The following MYO19 variants were observed in gnomAD, a reference collection of about 807,000 sequenced individuals.
MYO19 encodes myosin XIX, also known as unconventional myosin-XIX.
A neutral mutation model predicts 129.2 loss-of-function variants in MYO19; 132 were observed. That is an observed-to-expected ratio of 1.02 (90% CI 0.89 to 1.18). The LOEUF is 1.18. Among genes scored for constraint, MYO19 ranks in the 50% most tolerant of loss-of-function variants. The pLI is 0.00. For synonymous variants in MYO19, 531 were observed against 477.2 expected (o/e 1.11, Z -1.47); for missense variants, 1,210 against 1,216.7 (o/e 0.99, Z 0.08).
At chr17:36,518,761 T>C (rs2072961130) in intron 6 of MYO19, among the ~76,000 whole-genome samples, 1 of 151,402 alleles carries the variant, frequency 6.6e-6, no homozygotes, top group African/African-American at 2.4e-5. Flanking sequence ...AATAAGATGG[T>C]AGATTTAAAC....
At chr17:36,538,612 G>A (rs766621697), upstream of MYO19, 10 of 1,589,442 alleles carry the variant, frequency 6.3e-6, no homozygotes, top group East Asian at 2.2e-4. Context: ...GTACAATTTT[G>A]GTGATCAGCA....
chr17:36,529,627 A>G (rs1463280767), intron 3 of MYO19, among the ~76,000 whole-genome samples: 1 of 152,152 alleles, frequency 6.6e-6, no homozygotes, highest in Admixed American at 6.5e-5. Flanking sequence ...ATAATGCACA[A>G]GGTAGGCTCT....
chr17:36,525,882 G>A (rs961725478), intron 5 of MYO19, among the ~76,000 whole-genome samples: 3 of 152,182 alleles, frequency 2.0e-5, no homozygotes, highest in Admixed American at 6.5e-5. Flanking sequence ...GGATGCTGAG[G>A]AAACATAGGG....
intron 2 of MYO19, among the ~76,000 whole-genome samples, chr17:36,541,323 AC>A (rs1387061046): frequency 6.6e-6 from 1 of 152,240 alleles, no homozygotes; most frequent in Non-Finnish European, 1.5e-5. Context: ...GAAGATGACA[AC>A]CAGTTTTATT....
chr17:36,520,344 G>T (rs1019435873), intron 6 of MYO19, among the ~76,000 whole-genome samples: 1 of 152,052 alleles, frequency 6.6e-6, no homozygotes, highest in Admixed American at 6.6e-5. Flanking sequence ...TGTTTTCTTT[G>T]TATTCATTCT....
At chr17:36,537,327 G>C (rs1431444059), upstream of MYO19, 2 of 1,613,614 alleles carry the variant, frequency 1.2e-6, no homozygotes, top group Non-Finnish European at 1.7e-6. Flanking sequence ...GACCATTTGG[G>C]CTTCATTTAT....
At chr17:36,521,196 T>G (rs1175967730) in intron 6 of MYO19, among the ~76,000 whole-genome samples, 2 of 152,200 alleles carry the variant, frequency 1.3e-5, no homozygotes, top group African/African-American at 4.8e-5. Context: ...AAAAAGCTAC[T>G]TACAGTGAGG....
chr17:36,540,233 CTG>C (rs1201025049), intron 2 of MYO19, among the ~76,000 whole-genome samples: 1 of 152,070 alleles, frequency 6.6e-6, no homozygotes, highest in Non-Finnish European at 1.5e-5. Flanking sequence ...TAATTTAAAT[CTG>C]TAAAAAATAG....
At chr17:36,499,392 G>A (rs2071296631) in intron 23 of MYO19, 1 of 346,150 alleles carries the variant, frequency 2.9e-6, no homozygotes, top group Non-Finnish European at 5.7e-6. Context: ...CAGTGAAGGG[G>A]CACTGGGGAG....
At position 36,500,843 on chromosome 17, in the gene MYO19, C is replaced by T. The variant is rs2071468785; in HGVS notation, c.2364G>A (p.Met788Ile). The T allele has an allele frequency of 3.8e-6, 6 of 1,598,348 alleles. No homozygotes were observed. Among genetic ancestry groups the T allele is most frequent in the Non-Finnish European group, 5.1e-6 (6 of 1,176,900 alleles). Residue 788 changes from methionine (M) to isoleucine (I), a missense_variant, in exon 23 of 26, where the codon ATG becomes ATA. By Grantham distance (10) the Met-to-Ile change is conservative (BLOSUM62 1). Coordinates refer to ENST00000614623, the MANE Select transcript of MYO19 (RefSeq NM_001163735.2). ...REQERQWRAV[M>I]LIQAAIRSWL... ...CTGCCCACCTACCTGCCTGGATGAG[C>T]ATGACGGCCCGCCACTGCCGCTCCT...
chr17:36,505,014 A>AC (rs2071781761), intron 19 of MYO19: 1 of 615,498 alleles, frequency 1.6e-6, no homozygotes. Context: ...ATCACGAGAC[A>AC]CCCATTCCTC....
rs577134678 is a variant in MYO19 at position 36,499,478 on chromosome 17, G to A, written c.2378-318C>T. The A allele has an allele frequency of 7.4e-5, 16 of 216,530 alleles. No homozygotes were observed. The South Asian group carries it at 9.1e-4, about 12-fold the overall frequency. The allele number at this position is 216,530 out of a possible 1,614,324, so 13.4% of individuals were successfully genotyped here. On this transcript the variant is annotated intron_variant, in intron 23 of 25. Coordinates refer to ENST00000614623, the MANE Select transcript of MYO19 (RefSeq NM_001163735.2). ...GGTCAGCACCCAGGGAATGGGAGGG[G>A]TCTGGATTGTCTGTGCCTTTAAAAA...
In MYO19 at chr17:36,514,496, G is replaced by C. The variant is rs766865716; in HGVS notation, c.670C>G (p.Arg224Gly). The change falls in exon 9 of 26, where the codon CGA becomes GGA. Residue 224 changes from arginine to glycine, a missense_variant. Coordinates refer to ENST00000614623, the MANE Select transcript of MYO19 (RefSeq NM_001163735.2). Reference sequence around the variant, plus strand: ...TCACTGGAAGCCTGGCAGGCCACTCGAGTTTTCTCTAGGAGGTAGGTCTGG... The same window carrying C: ...TCACTGGAAGCCTGGCAGGCCACTCCAGTTTTCTCTAGGAGGTAGGTCTGG... ...AVQTYLLEKTRVACQASSERN... is the reference protein window; with the variant it reads ...AVQTYLLEKTGVACQASSERN... 6.2e-7 allele frequency: 1 copy of C among 1,613,736 alleles called. No homozygotes were observed. The highest frequency in any genetic ancestry group is 1.1e-5 in the South Asian group (1 of 91,078).
chr17:36,543,716 C>T (rs921572710), upstream of MYO19, among the ~76,000 whole-genome samples: 3 of 152,120 alleles, frequency 2.0e-5, no homozygotes, highest in Non-Finnish European at 1.5e-5. Flanking sequence ...CCTCCGCCTC[C>T]CGGGTTCAAG....
rs1171800285 is a variant in MYO19, at chr17:36,525,329, G to A, written c.313C>T (p.His105Tyr). The A allele has an allele frequency of 1.9e-6, 3 of 1,612,272 alleles. No individual in the cohort carries two copies. Among genetic ancestry groups the A allele is most frequent in the East Asian group, 2.2e-5 (1 of 44,850 alleles). ...AAPQPQKLKPHVFTVGEQTYR... is the reference protein window; with the variant it reads ...AAPQPQKLKPYVFTVGEQTYR... ...GTCTGTTCACCCACAGTGAACACAT[G>A]GGGCTTCAGTTTCTGGAACATCAAG... The change falls in exon 6 of 26, where the codon CAT becomes TAT. Residue 105 changes from histidine to tyrosine, a missense_variant. By Grantham distance (83) the His-to-Tyr change is moderately conservative (BLOSUM62 2). Coordinates refer to ENST00000614623, the MANE Select transcript of MYO19 (RefSeq NM_001163735.2).
intron 3 of MYO19, 44 bp from the exon 4 acceptor site, chr17:36,528,246 T>G (rs754368511): frequency 2.6e-6 from 4 of 1,541,716 alleles, no homozygotes; most frequent in African/African-American, 1.4e-5. Context: ...CAGTGGCTCA[T>G]GCCTATAATC....
At chr17:36,502,933 T>C (rs2071629678) in intron 21 of MYO19, 164 bp downstream of exon 21, 3 of 644,596 alleles carry the variant, frequency 4.7e-6, no homozygotes, top group African/African-American at 1.8e-5. Context: ...TTTTCCACTT[T>C]CCATGCTATT....
chr17:36,517,712 C>G (rs1392401358), intron 6 of MYO19, among the ~76,000 whole-genome samples: 1 of 152,120 alleles, frequency 6.6e-6, no homozygotes, highest in African/African-American at 2.4e-5. Context: ...GAATTGTGTT[C>G]CCCTCAAATT....
At chr17:36,522,778 C>T (rs781416469) in intron 6 of MYO19, among the ~76,000 whole-genome samples, 6 of 152,016 alleles carry the variant, frequency 3.9e-5, no homozygotes, top group Non-Finnish European at 7.4e-5. Context: ...GAGGCCGAGG[C>T]GAGTGGATCA....
Sources: gnomAD v4.1 joint callset for allele counts (sites outside exome capture counted in the v4.1 genomes callset) on GRCh38, gnomAD v4.1.1 for gene constraint, MANE v1.5 for transcripts, NCBI Gene and HGNC (gene_info 2026-07-23, HGNC 2026-07-21) for gene names.